The following TESPA1 variants were observed in gnomAD, a reference collection of about 807,000 sequenced individuals.
TESPA1 encodes the protein thymocyte expressed, positive selection associated 1, also known as protein TESPA1.
TESPA1 carries 33 observed loss-of-function variants against 57.9 expected under a neutral mutation model. The observed-to-expected ratio is 0.57, with a 90% CI of 0.43 to 0.76. The LOEUF (loss-of-function observed/expected upper bound fraction) is 0.76, where lower values mean the gene tolerates loss of function less well. TESPA1 is among the 30% of genes least tolerant of loss of function. The pLI, the probability that TESPA1 is intolerant of heterozygous loss-of-function variation, is 0.00. For synonymous variants in TESPA1, 227 were observed against 228.9 expected (o/e 0.99, Z 0.07); for missense variants, 618 against 632.9 (o/e 0.98, Z 0.25).
rs533256104 is a variant in TESPA1 at position 54,977,469 on chromosome 12, C to T, written c.-45-2862G>A. The stretch of plus-strand genomic sequence containing the variant: ...CTTGTTTTTATCCTAGAAGTTCCTA[C>T]AATTGAGAACAAAGATTGCATTTTC... On this transcript the variant is annotated intron_variant, in intron 1 of 10. Transcript: ENST00000449076. Among the ~76,000 whole-genome samples the T allele has an allele frequency of 1.1e-4, 17 of 152,298 alleles. 1 individual carries two copies. The highest frequency in any genetic ancestry group is 9.2e-4 in the Admixed American group (14 of 15,300).
chr12:54,950,376 G>T lies in TESPA1; in HGVS notation c.*16C>A, dbSNP rs1565811591. 2 of 456,240 alleles carry T rather than the reference G, an allele frequency of 4.4e-6. No individual in the cohort carries two copies. The highest frequency in any genetic ancestry group is 2.4e-5 in the Admixed American group (1 of 42,486). The allele number at this position is 456,240 out of a possible 1,614,324, so 28.3% of individuals were successfully genotyped here. A position where few individuals can be genotyped will look rare whatever the true frequency, so the allele number is the denominator to read the frequency against. Reference sequence around the variant, plus strand: ...ATTCTGTCAGACCACATGCTGTTGTGGTGGTGGAGAAAGCCTGCAATGGGA... The same window carrying T: ...ATTCTGTCAGACCACATGCTGTTGTTGTGGTGGAGAAAGCCTGCAATGGGA... On this transcript the variant is annotated 3_prime_UTR_variant, in exon 11 of 11. Coordinates refer to ENST00000449076, the MANE Select transcript of TESPA1 (RefSeq NM_001136030.3).
intron 4 of TESPA1, 140 bp from the exon 5 acceptor site, chr12:54,967,376 C>T (rs1036989793): frequency 3.0e-5 from 28 of 921,264 alleles, no homozygotes; most frequent in African/African-American, 2.9e-4. Flanking sequence ...TAGATACCCA[C>T]GTTTGTCAAA....
At chr12:54,967,947 CT>C in intron 3 of TESPA1, 55 bp from the exon 4 acceptor site, 1 of 1,610,652 alleles carries the variant, frequency 6.2e-7, no homozygotes, top group Non-Finnish European at 8.5e-7. Context: ...TTCCAAGGAG[CT>C]TTTTCATGGA....
intron 1 of TESPA1, among the ~76,000 whole-genome samples, chr12:54,974,997 G>A (rs988081367): frequency 6.6e-6 from 1 of 152,072 alleles, no homozygotes; most frequent in African/African-American, 2.4e-5. Flanking sequence ...ACATCTTTAA[G>A]TTTACAACTT....
chr12:54,974,404 T>C lies in TESPA1; in HGVS notation c.159A>G (p.Gln53=), dbSNP rs17554194. 50,504 of 1,602,920 alleles carry C rather than the reference T, an allele frequency of 0.032. 902 individuals are homozygous for C. The highest frequency in any genetic ancestry group is 0.059 in the East Asian group (2,646 of 44,534). ...PEPSSLDDVF[Q]EGNPINKIED... ...TGTCTGATGTTCGTCTCTTACCTTC[T>C]TGGAAAACGTCATCCAGGCTGGAAG... Residue 53 remains glutamine, a synonymous_variant, in exon 2 of 11, where the codon CAA becomes CAG. Coordinates refer to ENST00000449076, the MANE Select transcript of TESPA1 (RefSeq NM_001136030.3).
intron 1 of TESPA1, among the ~76,000 whole-genome samples, chr12:54,982,467 A>T (rs568731700): frequency 6.6e-6 from 1 of 152,364 alleles, no homozygotes; most frequent in Non-Finnish European, 1.5e-5. Flanking sequence ...AAAGAAGACC[A>T]TCTAAGACCT....
chr12:54,977,372 C>T (rs1952173291), intron 1 of TESPA1, among the ~76,000 whole-genome samples: 1 of 152,098 alleles, frequency 6.6e-6, no homozygotes, highest in Non-Finnish European at 1.5e-5. Flanking sequence ...AAGCTGGTAA[C>T]TATGTGCTTA....
chr12:54,966,559 T>C, intron 5 of TESPA1, 135 bp from the exon 6 acceptor site: 1 of 982,898 alleles, frequency 1.0e-6, no homozygotes, highest in Non-Finnish European at 1.5e-6. Context: ...ACCCCATAAA[T>C]TCTGCACTTC....
At position 54,967,232 on chromosome 12, in the gene TESPA1, G is replaced by C. The variant is rs1463308663; in HGVS notation, c.261C>G (p.Phe87Leu). ...CTTCAAAGCTGGTCCCATGGCTGCA[G>C]AAGCCTGTCCAATAATCAGGTGAGG... ...EEAGQFIYNG[F>L]CSHGTSFEDD... The change falls in exon 5 of 11, where the codon TTC (phenylalanine) becomes TTG (leucine). Residue 87 changes from phenylalanine to leucine, a missense_variant. This residue lies in a region of TESPA1 where 199 missense variants were observed against 184.0 expected (regional missense o/e 1.08). Coordinates refer to ENST00000449076, the MANE Select transcript of TESPA1 (RefSeq NM_001136030.3). 1.2e-6 allele frequency: 2 copies of C among 1,612,434 alleles called. No homozygotes were observed. The highest frequency in any genetic ancestry group is 2.7e-5 in the African/African-American group (2 of 74,652).
At chr12:54,964,206 G>C (rs550024217) in intron 7 of TESPA1, among the ~76,000 whole-genome samples, 1 of 152,240 alleles carries the variant, frequency 6.6e-6, no homozygotes, top group South Asian at 2.1e-4. Flanking sequence ...ACTTATTGCA[G>C]ACGAATAAAA....
intron 10 of TESPA1, among the ~76,000 whole-genome samples, chr12:54,954,670 A>G (rs775857342): frequency 6.6e-6 from 1 of 152,312 alleles, no homozygotes; most frequent in South Asian, 2.1e-4. Context: ...TAGTAATTAT[A>G]CTGTATAGCA....
chr12:54,983,252 G>A (rs1952387752), intron 1 of TESPA1, among the ~76,000 whole-genome samples: 1 of 152,146 alleles, frequency 6.6e-6, no homozygotes, highest in Admixed American at 6.5e-5. Flanking sequence ...CATGTTGGTA[G>A]CGTGGTTGTA....
chr12:54,967,699 G>T (rs1592377035), intron 4 of TESPA1, 144 bp downstream of exon 4: 1 of 964,804 alleles, frequency 1.0e-6, no homozygotes, highest in Non-Finnish European at 1.5e-6. Context: ...ACCACGAATA[G>T]TGTTTTGCAG....
intron 3 of TESPA1, among the ~76,000 whole-genome samples, chr12:54,971,031 A>C (rs1215653874): frequency 6.6e-6 from 1 of 152,242 alleles, no homozygotes. Context: ...GACATGCATG[A>C]TCAGATCCTG....
chr12:54,956,754 A>G (rs898491833), intron 10 of TESPA1, among the ~76,000 whole-genome samples: 2 of 152,192 alleles, frequency 1.3e-5, no homozygotes, highest in Non-Finnish European at 2.9e-5. Context: ...TATTTCTTAC[A>G]ATTCTGGAGG....
intron 10 of TESPA1, among the ~76,000 whole-genome samples, chr12:54,951,994 GTTGT>G (rs980360150): frequency 1.3e-5 from 2 of 151,926 alleles, no homozygotes; most frequent in African/African-American, 4.8e-5. Context: ...CTTATGGACT[GTTGT>G]TTGAGTTTGC....
In TESPA1 at chr12:54,962,492, T is replaced by C. The variant is rs754003139; in HGVS notation, c.1406A>G (p.Asp469Gly). The C allele has an allele frequency of 6.2e-6, 10 of 1,613,278 alleles. No individual in the cohort carries two copies. The South Asian group carries it at 1.1e-4, about 18-fold the overall frequency. The change falls in exon 9 of 11, where the codon GAC becomes GGC. Residue 469 changes from aspartate (D) to glycine (G), a missense_variant. Physicochemically the swap from Asp to Gly is moderately conservative, Grantham distance 94 (BLOSUM62 -1). Transcript: ENST00000449076. The part of the protein sequence containing the change: ...ITQQKWKQSV[D>G]RPELRRSLSQ... ...TAAAGACCGACGCAGTTCTGGTCTG[T>C]CTACACTCTGCTTCCATTTCTGCTG...
At position 54,981,154 on chromosome 12, in the gene TESPA1, T is replaced by A. The variant is rs557054340; in HGVS notation, c.-46+3431A>T. On this transcript the variant is annotated intron_variant, in intron 1 of 10. Transcript: ENST00000449076. ...TGGGTGATTGGCAGTTGTAATCAGGTAACACATATTAAGTCCCTGATGTAT... is the reference window on the plus strand; with the variant it reads ...TGGGTGATTGGCAGTTGTAATCAGGAAACACATATTAAGTCCCTGATGTAT... 5.9e-5 allele frequency among the ~76,000 whole-genome samples: 9 copies of A among 152,220 alleles called. 1 individual carries two copies. In the South Asian group the frequency reaches 1.9e-3, roughly 32 times the overall value.
chr12:54,965,977 G>A (rs75702733), intron 7 of TESPA1, 76 bp downstream of exon 7: 3 of 1,373,124 alleles, frequency 2.2e-6, no homozygotes, highest in Non-Finnish European at 3.0e-6. Context: ...GAAAAAACAG[G>A]CAATGGCTCT....
Sources: allele counts gnomAD v4.1 joint callset (sites outside exome capture counted in the v4.1 genomes callset), GRCh38; gene constraint gnomAD v4.1.1; regional missense constraint gnomAD v4.1.1; transcripts MANE v1.5; gene names NCBI Gene and HGNC (gene_info 2026-07-23, HGNC 2026-07-21).